PPP4R2: variants seen among roughly 807,000 people sequenced by gnomAD.
PPP4R2 encodes the protein protein phosphatase 4 regulatory subunit 2, also known as serine/threonine-protein phosphatase 4 regulatory subunit 2.
Under a neutral mutation model 47.2 loss-of-function variants are expected in PPP4R2, and 13 were observed. The observed-to-expected ratio is 0.28, with a 90% confidence interval of 0.18 to 0.44. The LOEUF (loss-of-function observed/expected upper bound fraction) is 0.44, where lower values mean the gene tolerates loss of function less well. Among genes scored for constraint, PPP4R2 ranks in the 20% least tolerant of loss-of-function variants. The pLI is 1.00. For missense variants in PPP4R2, 421 were observed against 491.2 expected, an observed-to-expected ratio of 0.86 and a Z score of 1.35; for synonymous variants, 151 against 163.3, an observed-to-expected ratio of 0.92 and a Z score of 0.57.
rs568172662 is a variant in PPP4R2, at chr3:73,063,262, G to A, written c.420-411G>A. 3.8e-4 allele frequency: 106 copies of A among 279,760 alleles called. 2 individuals carry two copies. In the South Asian group the frequency reaches 5.0e-3, roughly 13 times the overall value. The allele number at this position is 279,760 out of a possible 1,614,324, so 17.3% of individuals were successfully genotyped here. A position where few individuals can be genotyped will look rare whatever the true frequency, so the allele number is the denominator to read the frequency against. On this transcript the variant is annotated intron_variant, in intron 5 of 8. Transcript: ENST00000356692. ...TACCCCGTAAGATCTTGAGGGGGGA[G>A]TGTTGGGTGGAATCATAGATCCATG...
intron 2 of PPP4R2, among the ~76,000 whole-genome samples, chr3:72,999,618 G>C (rs1043442588): frequency 1.3e-4 from 20 of 152,188 alleles, no homozygotes; most frequent in African/African-American, 4.3e-4. Context: ...GCCTATAAAT[G>C]TATAAATAAT....
chr3:73,018,732 T>C (rs1244689671), intron 2 of PPP4R2, among the ~76,000 whole-genome samples: 1 of 152,172 alleles, frequency 6.6e-6, no homozygotes, highest in Non-Finnish European at 1.5e-5. Context: ...TCATAGCACT[T>C]TGTTGTTAAT....
intron 3 of PPP4R2, among the ~76,000 whole-genome samples, chr3:73,056,454 G>A (rs559458069): frequency 2.8e-4 from 43 of 152,256 alleles, no homozygotes; most frequent in Non-Finnish European, 4.9e-4. Context: ...ATGCTGTTAC[G>A]TTCATTTATC....
chr3:73,027,386 A>G (rs886096183), intron 2 of PPP4R2, among the ~76,000 whole-genome samples: 12 of 152,204 alleles, frequency 7.9e-5, no homozygotes, highest in Non-Finnish European at 1.5e-4. Flanking sequence ...TTGGCCTCCT[A>G]AAGTGCTGGG....
At chr3:73,036,213 A>T (rs1459800874) in intron 2 of PPP4R2, among the ~76,000 whole-genome samples, 3 of 152,200 alleles carry the variant, frequency 2.0e-5, no homozygotes, top group African/African-American at 7.2e-5. Context: ...TAACGGAGGT[A>T]GAGAGTAGAA....
chr3:73,006,321 C>T (rs949793021), intron 2 of PPP4R2, among the ~76,000 whole-genome samples: 18 of 151,412 alleles, frequency 1.2e-4, no homozygotes, highest in African/African-American at 3.9e-4. Flanking sequence ...GTCTCAGCCT[C>T]CCTGGTAGCT....
intron 2 of PPP4R2, among the ~76,000 whole-genome samples, chr3:73,041,534 C>T (rs1265705016): frequency 1.3e-5 from 2 of 152,134 alleles, no homozygotes; most frequent in Admixed American, 1.3e-4. Context: ...GTATTTTAAG[C>T]CTGTCACCTT....
chr3:73,008,240 G>A (rs1701652962), intron 2 of PPP4R2, among the ~76,000 whole-genome samples: 1 of 152,080 alleles, frequency 6.6e-6, no homozygotes, highest in Admixed American at 6.6e-5. Context: ...GGTACACAGA[G>A]GAAGCACAAT....
intron 2 of PPP4R2, among the ~76,000 whole-genome samples, chr3:73,045,309 A>C (rs184160823): frequency 6.6e-6 from 1 of 152,114 alleles, no homozygotes; most frequent in Non-Finnish European, 1.5e-5. Flanking sequence ...GGCCTCGTAT[A>C]ATATTTTTAT....
intron 2 of PPP4R2, among the ~76,000 whole-genome samples, chr3:73,021,908 T>A (rs1347067502): frequency 5.5e-5 from 8 of 145,370 alleles, no homozygotes; most frequent in South Asian, 2.1e-4. Flanking sequence ...ATATTTTTTT[T>A]TTTTTTTTGA....
chr3:73,020,704 T>C (rs1266008871), intron 2 of PPP4R2, among the ~76,000 whole-genome samples: 1 of 150,320 alleles, frequency 6.7e-6, no homozygotes, highest in African/African-American at 2.5e-5. Flanking sequence ...TAAAAAACTT[T>C]TTTTGTAGAG....
intron 7 of PPP4R2, among the ~76,000 whole-genome samples, chr3:73,064,563 A>C (rs1322238299): frequency 6.6e-6 from 1 of 152,202 alleles, no homozygotes; most frequent in Non-Finnish European, 1.5e-5. Context: ...GAGAGGACTT[A>C]AGAGAGTATG....
chr3:73,068,484 G>A lies in PPP4R2; in HGVS notation c.*2762G>A, dbSNP rs1478667444. 3 of 152,152 alleles carry A rather than the reference G, an allele frequency of 2.0e-5. No individual in the cohort carries two copies. The highest frequency in any genetic ancestry group is 4.4e-5 in the Non-Finnish European group (3 of 68,028). The allele number at this position is 152,152 out of a possible 1,614,324, so 9.4% of individuals were successfully genotyped here. A position where few individuals can be genotyped will look rare whatever the true frequency, so the allele number is the denominator to read the frequency against. On this transcript the variant is annotated 3_prime_UTR_variant, in exon 9 of 9. Coordinates refer to ENST00000356692, the MANE Select transcript of PPP4R2 (RefSeq NM_174907.4). The stretch of plus-strand genomic sequence containing the variant: ...AGTTCTGAAAAATGTAGCAGAAGTA[G>A]TGAAAATGTCATATTTTAAATGTTG...
chr3:73,005,427 C>T (rs753705077), intron 2 of PPP4R2, among the ~76,000 whole-genome samples: 3 of 149,536 alleles, frequency 2.0e-5, no homozygotes, highest in Non-Finnish European at 4.4e-5. Context: ...TTAAATATTT[C>T]AAGAAAGTGA....
At chr3:73,040,499 A>ATTTTTTTTTTTTTTTTTTTTTTTT (rs11342756) in intron 2 of PPP4R2, among the ~76,000 whole-genome samples, 1 of 117,586 alleles carries the variant, frequency 8.5e-6, no homozygotes, top group African/African-American at 3.4e-5. Context: ...ATGTGACCTA[A>ATTTTTTTTTTTTTTTTTTTTTTTT]TTTTTTTTTT....
At position 73,068,179 on chromosome 3, in the gene PPP4R2, G is replaced by A. The variant is rs1157821700; in HGVS notation, c.*2457G>A. 6.6e-6 allele frequency: 1 copy of A among 152,048 alleles called. No homozygotes were observed. Among genetic ancestry groups the A allele is most frequent in the Non-Finnish European group, 1.5e-5 (1 of 67,988 alleles). The allele number at this position is 152,048 out of a possible 1,614,324, so 9.4% of individuals were successfully genotyped here. A position where few individuals can be genotyped will look rare whatever the true frequency, so the allele number is the denominator to read the frequency against. ...TTCTAATAGTAACTGATTCACTTCT[G>A]AACAGAAGTGATTTTAGGCATATTT... On this transcript the variant is annotated 3_prime_UTR_variant, in exon 9 of 9. Transcript: ENST00000356692.
At chr3:73,000,959 A>G (rs552212520) in intron 2 of PPP4R2, among the ~76,000 whole-genome samples, 13 of 152,300 alleles carry the variant, frequency 8.5e-5, no homozygotes, top group African/African-American at 3.1e-4. Flanking sequence ...GTTGTCTCCC[A>G]TTTGGTCAGT....
At chr3:73,041,071 A>C (rs1033666832) in intron 2 of PPP4R2, among the ~76,000 whole-genome samples, 2 of 152,204 alleles carry the variant, frequency 1.3e-5, no homozygotes, top group Non-Finnish European at 2.9e-5. Flanking sequence ...ATGTAATCAG[A>C]AAAAACACAT....
intron 2 of PPP4R2, among the ~76,000 whole-genome samples, chr3:73,020,349 T>G (rs964701442): frequency 1.3e-5 from 2 of 151,812 alleles, no homozygotes; most frequent in Non-Finnish European, 2.9e-5. Context: ...TCCCCACGCC[T>G]GGCTTATATT....
Sources: gnomAD v4.1 joint callset for allele counts (sites outside exome capture counted in the v4.1 genomes callset) on GRCh38, gnomAD v4.1.1 for gene constraint, MANE v1.5 for transcripts, NCBI Gene and HGNC (gene_info 2026-07-23, HGNC 2026-07-21) for gene names.